JMJD1C: variants seen among roughly 807,000 people sequenced by gnomAD.
The protein encoded by JMJD1C is jumonji domain containing 1C.
Under a neutral mutation model 245.3 loss-of-function variants are expected in JMJD1C, and 31 were observed. The observed-to-expected ratio is 0.13, with a 90% CI of 0.09 to 0.17. The LOEUF (loss-of-function observed/expected upper bound fraction) is 0.17. JMJD1C is among the 10% of genes least tolerant of loss of function. The pLI, the probability that JMJD1C is intolerant of heterozygous loss-of-function variation, is 1.00. For missense variants in JMJD1C, 2,691 were observed against 3,000.2 expected, an observed-to-expected ratio of 0.90 and a Z score of 2.41; for synonymous variants, 1,057 against 1,017.4, an observed-to-expected ratio of 1.04 and a Z score of -0.74.
At chr10:63,226,780 G>A (rs555136709) in intron 3 of JMJD1C, among the ~76,000 whole-genome samples, 6 of 150,736 alleles carry the variant, frequency 4.0e-5, no homozygotes, top group South Asian at 2.1e-4. Flanking sequence ...AAATCAGGCC[G>A]GGTGTGGTGG....
chr10:63,520,347 T>G (rs1183077392), intron 1 of JMJD1C, among the ~76,000 whole-genome samples: 1 of 152,138 alleles, frequency 6.6e-6, no homozygotes, highest in Non-Finnish European at 1.5e-5. Flanking sequence ...ACAAAAGCCA[T>G]CATATTTTCT....
chr10:63,427,375 C>A, intron 1 of JMJD1C: 1 of 1,058,634 alleles, frequency 9.4e-7, no homozygotes, highest in Non-Finnish European at 1.4e-6. Flanking sequence ...GCATCAGTAC[C>A]CAAATCCCTA....
intron 3 of JMJD1C, among the ~76,000 whole-genome samples, chr10:63,247,411 C>A (rs1036079245): frequency 2.0e-5 from 3 of 151,972 alleles, no homozygotes; most frequent in Admixed American, 2.0e-4. Flanking sequence ...AAAACCTCAA[C>A]AAACCAGTAA....
chr10:63,185,508 G>T (rs1001040688), intron 20 of JMJD1C, 55 bp downstream of exon 20: 1 of 956,262 alleles, frequency 1.0e-6, no homozygotes, highest in Non-Finnish European at 1.7e-6. Flanking sequence ...CTATCTCTGG[G>T]GACAGTCTTA....
intron 1 of JMJD1C, among the ~76,000 whole-genome samples, chr10:63,481,485 TAAAC>T (rs759161082): frequency 4.6e-5 from 7 of 152,178 alleles, no homozygotes; most frequent in East Asian, 3.9e-4. Flanking sequence ...TCACATTGAC[TAAAC>T]AAACAGCCTT....
chr10:63,420,150 AC>A (rs1012005348), intron 1 of JMJD1C, among the ~76,000 whole-genome samples: 2 of 150,826 alleles, frequency 1.3e-5, no homozygotes, highest in African/African-American at 4.9e-5. Flanking sequence ...AAAAAAAATC[AC>A]CCCAGACATT....
At chr10:63,487,234 G>A (rs1954028380) in intron 1 of JMJD1C, among the ~76,000 whole-genome samples, 1 of 152,152 alleles carries the variant, frequency 6.6e-6, no homozygotes, top group Non-Finnish European at 1.5e-5. Flanking sequence ...TAAGGACCCA[G>A]TTGAAATTAC....
intron 1 of JMJD1C, among the ~76,000 whole-genome samples, chr10:63,490,437 G>A (rs1434140594): frequency 1.4e-5 from 2 of 140,202 alleles, no homozygotes; most frequent in Admixed American, 7.3e-5. Flanking sequence ...TTTTTTTTGA[G>A]ACAAAGTCTC....
intron 3 of JMJD1C, among the ~76,000 whole-genome samples, chr10:63,263,796 G>T (rs966657799): frequency 6.6e-6 from 1 of 151,916 alleles, no homozygotes; most frequent in African/African-American, 2.4e-5. Flanking sequence ...GCTGGGCGTG[G>T]TGGTGTGTGC....
At chr10:63,330,655 C>A (rs2134164062) in intron 2 of JMJD1C, among the ~76,000 whole-genome samples, 1 of 151,394 alleles carries the variant, frequency 6.6e-6, no homozygotes, top group African/African-American at 2.5e-5. Flanking sequence ...AGGATTATTT[C>A]TATTGTTTAG....
intron 2 of JMJD1C, among the ~76,000 whole-genome samples, chr10:63,377,568 C>CA (rs1345166368): frequency 1.3e-5 from 2 of 152,028 alleles, no homozygotes; most frequent in African/African-American, 4.8e-5. Flanking sequence ...AACCCTGTCT[C>CA]TACTAAAAAT....
At chr10:63,357,987 C>T (rs748616993) in intron 2 of JMJD1C, among the ~76,000 whole-genome samples, 1 of 151,304 alleles carries the variant, frequency 6.6e-6, no homozygotes, top group Non-Finnish European at 1.5e-5. Context: ...CACATGTAGA[C>T]GTGGCAACTG....
intron 4 of JMJD1C, chr10:63,217,802 A>G (rs1161431206): frequency 2.0e-5 from 3 of 152,000 alleles, no homozygotes; most frequent in Non-Finnish European, 4.4e-5. Flanking sequence ...AAAAGTTGCT[A>G]AAAGTCTTAA....
intron 3 of JMJD1C, 93 bp from the exon 4 acceptor site, chr10:63,220,076 A>G (rs1848429447): frequency 1.2e-6 from 1 of 858,126 alleles, no homozygotes; most frequent in East Asian, 2.5e-5. Flanking sequence ...GGACTGAATA[A>G]AATTCCTTTG....
chr10:63,502,309 A>G (rs1954583684), intron 1 of JMJD1C, among the ~76,000 whole-genome samples: 1 of 152,208 alleles, frequency 6.6e-6, no homozygotes, highest in Admixed American at 6.5e-5. Flanking sequence ...CACTGAAACT[A>G]GAAAAGCTGT....
chr10:63,494,553 G>A (rs1291546062), intron 1 of JMJD1C, among the ~76,000 whole-genome samples: 2 of 152,254 alleles, frequency 1.3e-5, no homozygotes, highest in African/African-American at 4.8e-5. Flanking sequence ...AGCCAATCAT[G>A]AGTAAAAGTT....
intron 3 of JMJD1C, among the ~76,000 whole-genome samples, chr10:63,253,086 T>C (rs1853330225): frequency 6.6e-6 from 1 of 152,230 alleles, no homozygotes; most frequent in South Asian, 2.1e-4. Flanking sequence ...AACAGAATAG[T>C]ACACTTTAAT....
At chr10:63,292,801 T>G (rs1432967719) in intron 2 of JMJD1C, among the ~76,000 whole-genome samples, 1 of 152,074 alleles carries the variant, frequency 6.6e-6, no homozygotes, top group Admixed American at 6.6e-5. Flanking sequence ...TCCCAGCACT[T>G]TGGGAGGCTG....
At chr10:63,432,057 G>C (rs1481523273) in intron 1 of JMJD1C, among the ~76,000 whole-genome samples, 1 of 152,144 alleles carries the variant, frequency 6.6e-6, no homozygotes, top group Admixed American at 6.5e-5. Context: ...GTTGCGCCTT[G>C]AGTTCTTGTT....
Sources: allele counts gnomAD v4.1 joint callset (sites outside exome capture counted in the v4.1 genomes callset), GRCh38; gene constraint gnomAD v4.1.1; transcripts MANE v1.5; gene names NCBI Gene and HGNC (gene_info 2026-07-23, HGNC 2026-07-21).